The following CNTLN variants were observed in gnomAD, a reference collection of about 807,000 sequenced individuals.
The protein encoded by CNTLN is centlein, centrosomal protein.
CNTLN carries 212 observed loss-of-function variants against 180.0 expected under a neutral mutation model. The ratio of observed to expected loss-of-function variants is 1.18; its 90% confidence interval spans 1.05 to 1.32. The LOEUF (loss-of-function observed/expected upper bound fraction) is 1.32. CNTLN is among the 40% of genes most tolerant of loss of function. The probability of loss-of-function intolerance (pLI) is 0.00; values close to 1 mark genes in which losing one functional copy is unlikely to be tolerated. For missense variants in CNTLN, 2,095 were observed against 1,610.9 expected (o/e 1.30, Z -5.14); for synonymous variants, 722 against 563.1 (o/e 1.28, Z -3.99).
At chr9:17,424,892 C>A (rs982583341) in intron 18 of CNTLN, among the ~76,000 whole-genome samples, 1 of 152,064 alleles carries the variant, frequency 6.6e-6, no homozygotes, top group South Asian at 2.1e-4. Flanking sequence ...TCCTAGCCTC[C>A]CAAACCATGA....
chr9:17,440,588 C>CAAAAAAAAAAAAAAAAAAAAAAA (rs35350865), intron 18 of CNTLN, among the ~76,000 whole-genome samples: 13 of 114,648 alleles, frequency 1.1e-4, no homozygotes, highest in African/African-American at 4.7e-4. Flanking sequence ...GACTCCGTCT[C>CAAAAAAAAAAAAAAAAAAAAAAA]AAAAAAAAAA....
chr9:17,520,549 A>C, the CNTLN span, among the ~76,000 whole-genome samples: 1 of 152,194 alleles, frequency 6.6e-6, no homozygotes, highest in African/African-American at 2.4e-5. Context: ...ATTCTGAAAA[A>C]CATGGCTCCC....
At chr9:17,396,912 G>A (rs1826570896) in intron 15 of CNTLN, among the ~76,000 whole-genome samples, 1 of 152,114 alleles carries the variant, frequency 6.6e-6, no homozygotes, top group Admixed American at 6.6e-5. Flanking sequence ...TCCCATTTCG[G>A]TGTTACCGAG....
At chr9:17,421,314 A>G (rs1467146757) in intron 18 of CNTLN, among the ~76,000 whole-genome samples, 4 of 152,144 alleles carry the variant, frequency 2.6e-5, no homozygotes, top group South Asian at 2.1e-4. Context: ...CTTTATCATT[A>G]TATAATGACC....
At chr9:17,166,272 A>G (rs1005100822) in intron 2 of CNTLN, among the ~76,000 whole-genome samples, 3 of 152,218 alleles carry the variant, frequency 2.0e-5, no homozygotes, top group African/African-American at 7.2e-5. Context: ...AAAATAAAAA[A>G]TTAACTAGAG....
chr9:17,511,648 T>TCTCTCTCTCACA, the CNTLN span, among the ~76,000 whole-genome samples: 4 of 146,582 alleles, frequency 2.7e-5, no homozygotes, highest in East Asian at 2.1e-4. Context: ...TCTCTCTCTC[T>TCTCTCTCTCACA]CACACACACA....
Position 17,409,435 on chromosome 9 carries a change from G to A in CNTLN, c.2758G>A (p.Val920Ile), listed in dbSNP as rs768851293. Residue 920 changes from valine to isoleucine, a missense_variant, in exon 16 of 26, where the codon GTA (valine) becomes ATA (isoleucine). Val to Ile is a conservative substitution (Grantham distance 29). Transcript: ENST00000380647. ...EDSQTQGKEI[V>I]QTYLNIDGKT... ...CAGCCAAACACAAGGAAAAGAAATA[G>A]TACAGACATATTTAAATATAGATGG... 4 of 1,608,892 alleles carry A rather than the reference G, an allele frequency of 2.5e-6. No homozygotes were observed. The East Asian group carries it at 6.7e-5, about 27-fold the overall frequency.
chr9:17,253,263 G>A (rs765874509), intron 5 of CNTLN, among the ~76,000 whole-genome samples: 6 of 151,558 alleles, frequency 4.0e-5, no homozygotes, highest in Non-Finnish European at 7.4e-5. Flanking sequence ...CTCTTTTTTG[G>A]TTCCATATCA....
intron 3 of CNTLN, among the ~76,000 whole-genome samples, chr9:17,227,343 A>G (rs141307683): frequency 2.5e-4 from 38 of 152,194 alleles, no homozygotes; most frequent in Middle Eastern, 3.4e-3. Flanking sequence ...ATGTAAAATT[A>G]CGTGTGATTA....
intron 13 of CNTLN, among the ~76,000 whole-genome samples, chr9:17,379,769 G>GT (rs1312399205): frequency 6.6e-6 from 1 of 152,024 alleles, no homozygotes; most frequent in African/African-American, 2.4e-5. Context: ...TCTGACACCT[G>GT]TTTCCTTCTG....
At chr9:17,154,943 G>A (rs1023959828) in intron 2 of CNTLN, among the ~76,000 whole-genome samples, 2 of 152,142 alleles carry the variant, frequency 1.3e-5, no homozygotes. Context: ...CTTTGGGTCC[G>A]CACTACCTTT....
At chr9:17,366,591 A>G (rs1388775770) in intron 12 of CNTLN, 26 bp from the exon 13 acceptor site, 6 of 1,140,238 alleles carry the variant, frequency 5.3e-6, no homozygotes, top group Non-Finnish European at 7.8e-6. Flanking sequence ...TATGGTTTTA[A>G]GTAAATGTTT....
chr9:17,287,976 T>G lies in CNTLN; in HGVS notation c.984-10214T>G, dbSNP rs1485745130. On this transcript the variant is annotated intron_variant, in intron 6 of 25. Coordinates refer to ENST00000380647, the MANE Select transcript of CNTLN (RefSeq NM_017738.4). Reference sequence around the variant, plus strand: ...AAAACCAGCTCCTGGATTCCTTGATTTTTTGAAGGGTTTTTTGTGTCTCTG... The same window carrying G: ...AAAACCAGCTCCTGGATTCCTTGATGTTTTGAAGGGTTTTTTGTGTCTCTG... Among the ~76,000 whole-genome samples the G allele has an allele frequency of 3.5e-5, 5 of 142,322 alleles. No homozygotes were observed. In the South Asian group the frequency reaches 1.2e-3, roughly 34 times the overall value. 93.4% of individuals were successfully genotyped at this position (142,322 alleles called of 152,430 possible). A position where few individuals can be genotyped will look rare whatever the true frequency, so the allele number is the denominator to read the frequency against.
Position 17,312,367 on chromosome 9 carries a change from TATA to T in CNTLN, c.1341+3116_1341+3118del, listed in dbSNP as rs1819228631. Among the ~76,000 whole-genome samples the T allele has an allele frequency of 7.3e-4, 8 of 10,958 alleles. 1 individual carries two copies. The highest frequency in any genetic ancestry group is 1.6e-3 in the African/African-American group (8 of 5,092). 7.2% of individuals were successfully genotyped at this position (10,958 alleles called of 152,430 possible). On this transcript the variant is annotated intron_variant, in intron 8 of 25. Coordinates refer to ENST00000380647, the MANE Select transcript of CNTLN (RefSeq NM_017738.4). ...TTTATATATATATATATATATATTA[TATA>T]TATATATATATATAATTTATTTATT...
At chr9:17,445,202 A>T (rs928651648) in intron 18 of CNTLN, among the ~76,000 whole-genome samples, 1 of 152,214 alleles carries the variant, frequency 6.6e-6, no homozygotes, top group African/African-American at 2.4e-5. Context: ...GTATATTTAT[A>T]AATGATCAAC....
At chr9:17,254,675 C>A (rs1474824368) in intron 5 of CNTLN, among the ~76,000 whole-genome samples, 1 of 151,482 alleles carries the variant, frequency 6.6e-6, no homozygotes, top group Non-Finnish European at 1.5e-5. Context: ...CAGTACAATA[C>A]TGTTTTCATT....
intron 12 of CNTLN, among the ~76,000 whole-genome samples, chr9:17,355,596 A>G (rs945311645): frequency 2.0e-5 from 3 of 152,034 alleles, no homozygotes; most frequent in Non-Finnish European, 4.4e-5. Context: ...ATCTACTTTG[A>G]GTTAATTTTT....
intron 5 of CNTLN, among the ~76,000 whole-genome samples, chr9:17,264,713 C>T (rs1453310674): frequency 1.3e-5 from 2 of 152,078 alleles, no homozygotes; most frequent in Non-Finnish European, 2.9e-5. Flanking sequence ...TCTTTTATTT[C>T]ATTGAGCAGT....
At chr9:17,187,241 A>G (rs1228372976) in intron 2 of CNTLN, among the ~76,000 whole-genome samples, 1 of 152,012 alleles carries the variant, frequency 6.6e-6, no homozygotes, top group Non-Finnish European at 1.5e-5. Flanking sequence ...TGCTTTATCT[A>G]CTTTCTGTGT....
Sources: gnomAD v4.1 joint callset for allele counts (sites outside exome capture counted in the v4.1 genomes callset) on GRCh38, gnomAD v4.1.1 for gene constraint, MANE v1.5 for transcripts, NCBI Gene and HGNC (gene_info 2026-07-23, HGNC 2026-07-21) for gene names.